Variants in LGR5 observed in about 807,000 individuals in gnomAD.
The protein encoded by LGR5 is leucine-rich repeat-containing G protein-coupled receptor 5.
LGR5 carries 54 observed loss-of-function variants against 76.7 expected under a neutral mutation model. That is an observed-to-expected ratio of 0.70 (90% CI 0.57 to 0.88). The LOEUF (loss-of-function observed/expected upper bound fraction) is 0.88, where lower values mean the gene tolerates loss of function less well. Among genes scored for constraint, LGR5 ranks in the 40% least tolerant of loss-of-function variants. The pLI, the probability that LGR5 is intolerant of heterozygous loss-of-function variation, is 0.00. For synonymous variants in LGR5, 406 were observed against 421.9 expected, an observed-to-expected ratio of 0.96 and a Z score of 0.46; for missense variants, 1,078 against 1,073.3, an observed-to-expected ratio of 1.00 and a Z score of -0.06.
Position 71,459,622 on chromosome 12 carries a change from A to C in LGR5, c.212+19330A>C, listed in dbSNP as rs74764011. Among the ~76,000 whole-genome samples the C allele has an allele frequency of 1.6e-3, 245 of 152,212 alleles. 3 individuals are homozygous for C. In the East Asian group the frequency reaches 0.026, roughly 16 times the overall value. Reference sequence around the variant, plus strand: ...CAGTTCTAGACCAGGCCCAAGAAACAAAGATGAATTAAGGAACAGCCTCTG... The same window carrying C: ...CAGTTCTAGACCAGGCCCAAGAAACCAAGATGAATTAAGGAACAGCCTCTG... On this transcript the variant is annotated intron_variant, in intron 1 of 17. Transcript: ENST00000266674.
In LGR5 at chr12:71,534,148, C is replaced by T. The variant is rs947785170; in HGVS notation, c.357-967C>T. 1.1e-4 allele frequency among the ~76,000 whole-genome samples: 14 copies of T among 122,448 alleles called. No homozygotes were observed. The East Asian group carries it at 3.2e-3, about 28-fold the overall frequency. 80.3% of individuals were successfully genotyped at this position (122,448 alleles called of 152,430 possible). On this transcript the variant is annotated intron_variant, in intron 3 of 17. Coordinates refer to ENST00000266674, the MANE Select transcript of LGR5 (RefSeq NM_003667.4). ...AAAATAGTCTTCTGCCTCAGGCTTA[C>T]ATGGACTACAAAATACTGGGAGAAA...
intron 1 of LGR5, among the ~76,000 whole-genome samples, chr12:71,487,917 G>A (rs1312106516): frequency 8.5e-5 from 13 of 152,210 alleles, no homozygotes; most frequent in South Asian, 6.2e-4. Flanking sequence ...GTAGTTATAC[G>A]CCATCCCCTT....
At chr12:71,524,519 T>C in intron 3 of LGR5, 42 bp downstream of exon 3, 1 of 1,378,812 alleles carries the variant, frequency 7.3e-7, no homozygotes, top group Admixed American at 1.7e-5. Flanking sequence ...CTGATTTTAG[T>C]GTCAAATGGC....
At chr12:71,469,612 GCGGAGAAA>G (rs1873010680) in intron 1 of LGR5, among the ~76,000 whole-genome samples, 1 of 152,222 alleles carries the variant, frequency 6.6e-6, no homozygotes. Flanking sequence ...TGAGGTCAAA[GCGGAGAAA>G]CTGAGAAAAT....
At position 71,440,258 on chromosome 12, in the gene LGR5, C is replaced by T; in HGVS notation, c.178C>T (p.Leu60=). The part of the protein sequence containing the change: ...VDCSDLGLSE[L]PSNLSVFTSY... ...CTGCTCCGACCTGGGGCTCTCGGAG[C>T]TGCCTTCCAACCTCAGCGTCTTCAC... is the stretch of plus-strand genomic sequence containing the variant. The change falls in exon 1 of 18, where the codon CTG becomes TTG. Residue 60 remains leucine (L), a synonymous_variant. Transcript: ENST00000266674. The surrounding 1 kb of genome is among the most constrained non-coding windows in gnomAD (Gnocchi z 5.3). The T allele has an allele frequency of 6.2e-7, 1 of 1,612,902 alleles. No homozygotes were observed. The highest frequency in any genetic ancestry group is 1.1e-5 in the South Asian group (1 of 91,074).
rs1555173645 is a variant in LGR5 at position 71,548,324 on chromosome 12, T to TGTGTGTGTGTGC, written c.429-4748_429-4747insTGTGTGTGTGCG. Among the ~76,000 whole-genome samples, 12 of 151,908 alleles carry TGTGTGTGTGTGC rather than the reference T, an allele frequency of 7.9e-5. No individual in the cohort carries two copies. In the South Asian group the frequency reaches 1.0e-3, roughly 13 times the overall value. ...CACTGTGTGTGTGTGTGTGTGTGTG[T>TGTGTGTGTGTGC]GCGTAGATACATATACACATGCATA... is the stretch of plus-strand genomic sequence containing the variant. On this transcript the variant is annotated intron_variant, in intron 4 of 17. Transcript: ENST00000266674.
At chr12:71,547,404 A>C (rs1465577377) in intron 4 of LGR5, among the ~76,000 whole-genome samples, 1 of 152,224 alleles carries the variant, frequency 6.6e-6, no homozygotes, top group East Asian at 1.9e-4. Context: ...CCATAGACAG[A>C]TGTGAAATGA....
At chr12:71,561,065 T>C (rs1878032372) in intron 7 of LGR5, among the ~76,000 whole-genome samples, 1 of 152,204 alleles carries the variant, frequency 6.6e-6, no homozygotes, top group South Asian at 2.1e-4. Context: ...CTCATTCCCC[T>C]AGCAGTGAGA....
intron 1 of LGR5, among the ~76,000 whole-genome samples, chr12:71,459,531 C>A (rs1872609833): frequency 6.6e-6 from 1 of 152,090 alleles, no homozygotes; most frequent in Non-Finnish European, 1.5e-5. Context: ...CAAGGGGGAG[C>A]TGGCCAAACC....
chr12:71,552,549 G>T (rs1399671557), intron 4 of LGR5, among the ~76,000 whole-genome samples: 1 of 146,816 alleles, frequency 6.8e-6, no homozygotes, highest in Non-Finnish European at 1.5e-5. Context: ...TGGGCGACAA[G>T]AGCGAGAGAC....
intron 16 of LGR5, among the ~76,000 whole-genome samples, chr12:71,581,584 G>A (rs1381729505): frequency 6.6e-6 from 1 of 152,184 alleles, no homozygotes; most frequent in Non-Finnish European, 1.5e-5. Context: ...CTTGGTCCTT[G>A]CCTTTTTTGT....
chr12:71,468,993 G>A (rs572618097), intron 1 of LGR5, among the ~76,000 whole-genome samples: 65 of 152,150 alleles, frequency 4.3e-4, no homozygotes, highest in Admixed American at 1.2e-3. Context: ...CACATTGTTC[G>A]AAAAGAGAAT....
rs116255170 is a variant in LGR5 at position 71,546,695 on chromosome 12, A to G, written c.429-6378A>G. ...ATGTACTTTCCCACTAGGCCCTCCT[A>G]CACACTGCTATTAGAGTGACCTTTC... On this transcript the variant is annotated intron_variant, in intron 4 of 17. Transcript: ENST00000266674. Among the ~76,000 whole-genome samples the G allele has an allele frequency of 6.2e-3, 940 of 152,212 alleles. 10 individuals are homozygous for G. Among genetic ancestry groups the G allele is most frequent in the Middle Eastern group, 0.024 (7 of 294 alleles).
At chr12:71,509,305 T>C (rs1414050501) in intron 2 of LGR5, among the ~76,000 whole-genome samples, 1 of 152,196 alleles carries the variant, frequency 6.6e-6, no homozygotes. Flanking sequence ...TACAGTTGTA[T>C]TAGTAAAATG....
intron 13 of LGR5, 183 bp downstream of exon 13, chr12:71,573,104 T>C: frequency 1.9e-6 from 1 of 516,260 alleles, no homozygotes. Context: ...AGTAGTAAAT[T>C]TGCAATTATG....
chr12:71,584,924 C>T lies in LGR5; in HGVS notation c.*190C>T. Reference sequence around the variant, plus strand: ...AGAGTGAATATAAGTCTAAATGCTGCTTTGTATAATTTGTTCAGCTAAGGG... The same window carrying T: ...AGAGTGAATATAAGTCTAAATGCTGTTTTGTATAATTTGTTCAGCTAAGGG... On this transcript the variant is annotated 3_prime_UTR_variant, in exon 18 of 18. Transcript: ENST00000266674. 1.7e-6 allele frequency: 1 copy of T among 593,550 alleles called. No individual in the cohort carries two copies. Among genetic ancestry groups the T allele is most frequent in the Non-Finnish European group, 2.9e-6 (1 of 340,374 alleles). 36.8% of individuals were successfully genotyped at this position (593,550 alleles called of 1,614,324 possible).
intron 7 of LGR5, among the ~76,000 whole-genome samples, chr12:71,560,398 C>G (rs754908059): frequency 1.3e-4 from 20 of 152,114 alleles, no homozygotes; most frequent in Non-Finnish European, 2.6e-4. Context: ...GTCTTCATCC[C>G]TGTCATCTTC....
intron 1 of LGR5, among the ~76,000 whole-genome samples, chr12:71,472,019 G>A (rs1297344474): frequency 6.6e-6 from 1 of 152,212 alleles, no homozygotes; most frequent in Non-Finnish European, 1.5e-5. Context: ...GAAGGGCGGT[G>A]AGGGATAAAA....
chr12:71,443,828 A>G (rs1871870146), intron 1 of LGR5, among the ~76,000 whole-genome samples: 1 of 152,080 alleles, frequency 6.6e-6, no homozygotes, highest in South Asian at 2.1e-4. Flanking sequence ...AGAAAACTGA[A>G]TTTTTCTTTG....
Sources: allele counts gnomAD v4.1 joint callset (sites outside exome capture counted in the v4.1 genomes callset), GRCh38; gene constraint gnomAD v4.1.1; non-coding constraint Gnocchi (gnomAD v3.1); transcripts MANE v1.5; gene names NCBI Gene and HGNC (gene_info 2026-07-23, HGNC 2026-07-21).